HMGB1: variants seen among roughly 807,000 people sequenced by gnomAD.
HMGB1 encodes high mobility group protein B1.
For synonymous variants in HMGB1, 81 were observed against 84.0 expected (o/e 0.96, Z 0.19); for missense variants, 79 against 253.5 (o/e 0.31, Z 4.67).
chr13:30,572,212 T>C (rs1038380540), intron 1 of HMGB1, among the ~76,000 whole-genome samples: 2 of 152,152 alleles, frequency 1.3e-5, no homozygotes, highest in African/African-American at 2.4e-5. Flanking sequence ...ATGCTCAAAG[T>C]AGGAAATACC....
At chr13:30,469,521 C>A (rs1368457237), upstream of HMGB1, among the ~76,000 whole-genome samples, 4 of 120,844 alleles carry the variant, frequency 3.3e-5, 1 homozygote, top group Admixed American at 3.3e-4. Context: ...GAGTGCAGTG[C>A]AGTGGCATGA....
chr13:30,483,304 G>A (rs1345069763), intron 1 of HMGB1, among the ~76,000 whole-genome samples: 4 of 151,944 alleles, frequency 2.6e-5, no homozygotes, highest in South Asian at 2.1e-4. Flanking sequence ...TCCTCTGGGG[G>A]TCCTCTCACT....
At chr13:30,514,884 A>G (rs1033330822) in intron 1 of HMGB1, among the ~76,000 whole-genome samples, 2 of 152,182 alleles carry the variant, frequency 1.3e-5, no homozygotes, top group Non-Finnish European at 2.9e-5. Context: ...ATGATCCTCG[A>G]TGACCTCCCC....
At chr13:30,577,380 G>A (rs1413254250) in intron 1 of HMGB1, among the ~76,000 whole-genome samples, 1 of 148,878 alleles carries the variant, frequency 6.7e-6, no homozygotes. Flanking sequence ...TAGCCCAGAA[G>A]AGCGTCCTCA....
chr13:30,479,496 C>T (rs1887179482), intron 1 of HMGB1, among the ~76,000 whole-genome samples: 1 of 152,222 alleles, frequency 6.6e-6, no homozygotes, highest in Non-Finnish European at 1.5e-5. Context: ...TCCCCTTTCT[C>T]CTCTCCCCTC....
At chr13:30,569,675 C>A (rs1236366693) in intron 1 of HMGB1, among the ~76,000 whole-genome samples, 1 of 152,144 alleles carries the variant, frequency 6.6e-6, no homozygotes, top group Non-Finnish European at 1.5e-5. Context: ...ATTTCCAAAG[C>A]CCCTGCTCTT....
chr13:30,502,262 C>G (rs565531958), intron 1 of HMGB1, among the ~76,000 whole-genome samples: 1 of 152,140 alleles, frequency 6.6e-6, no homozygotes, highest in African/African-American at 2.4e-5. Context: ...GCCTCTGCTA[C>G]GTGTAGGCAC....
chr13:30,615,755 T>C (rs1309085124), intron 1 of HMGB1, among the ~76,000 whole-genome samples: 1 of 152,176 alleles, frequency 6.6e-6, no homozygotes, highest in African/African-American at 2.4e-5. Context: ...GGAATCTAAC[T>C]TAGTAGAAGG....
intron 1 of HMGB1, among the ~76,000 whole-genome samples, chr13:30,589,224 C>G (rs1014428194): frequency 3.9e-5 from 6 of 151,990 alleles, no homozygotes; most frequent in African/African-American, 1.2e-4. Flanking sequence ...AGGCTGGTCT[C>G]AAACTCCCAA....
Position 30,457,183 on chromosome 13 carries a change from C to T in HMGB1, c.*4174G>A, listed in dbSNP as rs908801961. ...ATTATTTATTTCTAGTAGACAAGGC[C>T]TCACTATGTTGCCCAGGCTAGTGTC... On this transcript the variant is annotated 3_prime_UTR_variant, in exon 5 of 5. Coordinates refer to ENST00000341423, the MANE Select transcript of HMGB1 (RefSeq NM_002128.7). 1 of 152,062 alleles carries T rather than the reference C, an allele frequency of 6.6e-6. No individual in the cohort carries two copies. The highest frequency in any genetic ancestry group is 1.5e-5 in the Non-Finnish European group (1 of 68,014). 9.4% of individuals were successfully genotyped at this position (152,062 alleles called of 1,614,324 possible). A position where few individuals can be genotyped will look rare whatever the true frequency, so the allele number is the denominator to read the frequency against.
intron 1 of HMGB1, among the ~76,000 whole-genome samples, chr13:30,504,329 T>A (rs1887803930): frequency 6.6e-6 from 1 of 152,254 alleles, no homozygotes; most frequent in African/African-American, 2.4e-5. Flanking sequence ...AGTTTCTCAA[T>A]CACAATGTGG....
At chr13:30,470,329 A>T (rs1886890302), upstream of HMGB1, among the ~76,000 whole-genome samples, 1 of 152,256 alleles carries the variant, frequency 6.6e-6, no homozygotes, top group South Asian at 2.1e-4. Context: ...TTCTATCTTT[A>T]GATCTAAAAG....
At chr13:30,505,414 G>A (rs937710792) in intron 1 of HMGB1, among the ~76,000 whole-genome samples, 3 of 152,040 alleles carry the variant, frequency 2.0e-5, no homozygotes, top group Non-Finnish European at 4.4e-5. Context: ...TCCTGACCTC[G>A]TGATCAGCCC....
intron 1 of HMGB1, among the ~76,000 whole-genome samples, chr13:30,538,943 C>T (rs915930084): frequency 1.3e-5 from 2 of 152,030 alleles, no homozygotes; most frequent in Admixed American, 6.6e-5. Flanking sequence ...GTCACCCAGG[C>T]TGGAGTGCAA....
At chr13:30,463,387 CATTT>C (rs750030870) in intron 2 of HMGB1, 35 bp from the exon 3 acceptor site, 6 of 1,568,648 alleles carry the variant, frequency 3.8e-6, no homozygotes, top group Non-Finnish European at 4.3e-6. Context: ...TAAGTTGTAA[CATTT>C]AAGTAAATTA....
chr13:30,469,793 G>A (rs796232632), upstream of HMGB1, among the ~76,000 whole-genome samples: 1 of 152,288 alleles, frequency 6.6e-6, no homozygotes, highest in East Asian at 1.9e-4. Context: ...ACCACGCCCA[G>A]CTTATTTTTG....
chr13:30,476,865 C>A (rs78002974), intron 1 of HMGB1, among the ~76,000 whole-genome samples: 192 of 135,456 alleles, frequency 1.4e-3, no homozygotes, highest in Middle Eastern at 3.8e-3. Flanking sequence ...GATTCTGTCT[C>A]AAAAAAAAAA....
chr13:30,485,038 T>TTC (rs1358255531), intron 1 of HMGB1, among the ~76,000 whole-genome samples: 22 of 149,202 alleles, frequency 1.5e-4, no homozygotes, highest in Non-Finnish European at 6.0e-5. Flanking sequence ...CTTTTTCTTT[T>TTC]TTTTTTTTTT....
intron 1 of HMGB1, among the ~76,000 whole-genome samples, chr13:30,563,540 G>T (rs1195484218): frequency 6.6e-6 from 1 of 152,132 alleles, no homozygotes. Flanking sequence ...GCCCAAGCAG[G>T]TTGAGGCTGC....
Sources: allele counts gnomAD v4.1 joint callset (sites outside exome capture counted in the v4.1 genomes callset), GRCh38; gene constraint gnomAD v4.1.1; transcripts MANE v1.5; gene names NCBI Gene and HGNC (gene_info 2026-07-23, HGNC 2026-07-21).